NINJ2: variants seen among roughly 807,000 people sequenced by gnomAD.
The protein encoded by NINJ2 is ninjurin-2.
In NINJ2, 12 loss-of-function variants were observed where a neutral mutation model predicts 11.7. That is an observed-to-expected ratio of 1.02 (90% CI 0.66 to 1.66). NINJ2 has a LOEUF of 1.66. Ranked by LOEUF, NINJ2 falls within the 40% of genes most tolerant of loss-of-function variation. The pLI is 0.00. For synonymous variants in NINJ2, 93 were observed against 76.8 expected, an observed-to-expected ratio of 1.21 and a Z score of -1.10; for missense variants, 187 against 181.8, an observed-to-expected ratio of 1.03 and a Z score of -0.16.
intron 1 of NINJ2, among the ~76,000 whole-genome samples, chr12:615,560 C>G (rs1355933870): frequency 6.6e-6 from 1 of 152,184 alleles, no homozygotes; most frequent in Non-Finnish European, 1.5e-5. Flanking sequence ...TGCACTCTAG[C>G]CCCGGGCGAC....
intron 1 of NINJ2, among the ~76,000 whole-genome samples, chr12:601,414 G>A (rs561023307): frequency 2.6e-5 from 4 of 151,180 alleles, no homozygotes; most frequent in East Asian, 1.9e-4. Context: ...CAGGCGTGGT[G>A]GCGGGCGCCT....
chr12:571,605 C>G (rs574640434), intron 1 of NINJ2, among the ~76,000 whole-genome samples: 2 of 152,264 alleles, frequency 1.3e-5, no homozygotes, highest in Non-Finnish European at 2.9e-5. Flanking sequence ...AAGGCTGGTG[C>G]GATTCCATCC....
rs2005843 is a variant in NINJ2, at chr12:585,481, G to A, written c.34-19303C>T. 2.8e-5 allele frequency among the ~76,000 whole-genome samples: 1 copy of A among 35,398 alleles called. No individual in the cohort carries two copies. The allele number at this position is 35,398 out of a possible 152,430, so 23.2% of individuals were successfully genotyped here. A position where few individuals can be genotyped will look rare whatever the true frequency, so the allele number is the denominator to read the frequency against. The stretch of plus-strand genomic sequence containing the variant: ...CAGGCAGGCAACGGTTGGAGGAAGG[G>A]AACGGTTGGAGGGAAGGGAAGGGAA... On this transcript the variant is annotated intron_variant, in intron 1 of 3. Transcript: ENST00000305108. This position sits in a 1 kb window ranked among gnomAD's most constrained non-coding sequence, Gnocchi z 4.1.
intron 1 of NINJ2, among the ~76,000 whole-genome samples, chr12:658,842 A>G (rs1242352358): frequency 6.6e-6 from 1 of 152,030 alleles, no homozygotes; most frequent in Non-Finnish European, 1.5e-5. Context: ...TTGGGTCATA[A>G]TGATGTGTCA....
intron 1 of NINJ2, among the ~76,000 whole-genome samples, chr12:616,424 G>A (rs1948091985): frequency 6.6e-6 from 1 of 151,626 alleles, no homozygotes; most frequent in Admixed American, 6.6e-5. Context: ...TAGGTCCAGG[G>A]GTTTGGTCTT....
Position 591,719 on chromosome 12 carries a change from T to A in NINJ2, c.34-25541A>T, listed in dbSNP as rs915876444. 6.6e-6 allele frequency among the ~76,000 whole-genome samples: 1 copy of A among 152,130 alleles called. No individual in the cohort carries two copies. The highest frequency in any genetic ancestry group is 1.5e-5 in the Non-Finnish European group (1 of 68,020). On this transcript the variant is annotated intron_variant, in intron 1 of 3. Coordinates refer to ENST00000305108, the MANE Select transcript of NINJ2 (RefSeq NM_016533.6). This position sits in a 1 kb window ranked among gnomAD's most constrained non-coding sequence, Gnocchi z 5.0. ...TCTCGCCCCAGGTCCCTTGGGCACG[T>A]CTTATCTTATCGTGCAGCTGGGCTG... is the stretch of plus-strand genomic sequence containing the variant.
In NINJ2 at chr12:614,940, G is replaced by A. The variant is rs1265816571; in HGVS notation, c.33+48388C>T. ...TGTGGTCCCGAGCTCAAAAGATGCA[G>A]GCTTGAGGTCTTAACTGCTTCCATT... On this transcript the variant is annotated intron_variant, in intron 1 of 3. Transcript: ENST00000305108. This position sits in a 1 kb window ranked among gnomAD's most constrained non-coding sequence, Gnocchi z 5.1. Among the ~76,000 whole-genome samples, 2 of 152,192 alleles carry A rather than the reference G, an allele frequency of 1.3e-5. No individual in the cohort carries two copies. The highest frequency in any genetic ancestry group is 4.8e-5 in the African/African-American group (2 of 41,456).
intron 1 of NINJ2, among the ~76,000 whole-genome samples, chr12:625,102 CAAAA>C (rs200290771): frequency 1.1e-5 from 1 of 93,584 alleles, no homozygotes; most frequent in Admixed American, 1.2e-4. Flanking sequence ...GACTTCATCT[CAAAA>C]AAAAAAAAAA....
At chr12:576,282 G>C (rs1252894299) in intron 1 of NINJ2, among the ~76,000 whole-genome samples, 1 of 152,156 alleles carries the variant, frequency 6.6e-6, no homozygotes, top group Admixed American at 6.5e-5. Flanking sequence ...GTCCACCAGG[G>C]GGCGCCAGGA....
At chr12:566,474 T>G (rs1947302789) in intron 1 of NINJ2, among the ~76,000 whole-genome samples, 1 of 152,162 alleles carries the variant, frequency 6.6e-6, no homozygotes. Flanking sequence ...CTGCTGCTGG[T>G]AAAATGCACC....
At chr12:610,894 T>C (rs148796182) in intron 1 of NINJ2, among the ~76,000 whole-genome samples, 1,738 of 152,084 alleles carry the variant, frequency 0.011, 33 homozygotes, top group African/African-American at 0.04. Flanking sequence ...CCACCATACC[T>C]GGCTAATTTT....
At chr12:598,645 C>T (rs1022931717) in intron 1 of NINJ2, among the ~76,000 whole-genome samples, 1 of 152,074 alleles carries the variant, frequency 6.6e-6, no homozygotes, top group African/African-American at 2.4e-5. Flanking sequence ...TATCTTTGGC[C>T]GATAGAATTA....
intron 1 of NINJ2, among the ~76,000 whole-genome samples, chr12:622,816 C>A (rs1404503742): frequency 6.6e-6 from 1 of 151,608 alleles, no homozygotes; most frequent in Non-Finnish European, 1.5e-5. Flanking sequence ...TCATGAATAA[C>A]TTTTCACATA....
At chr12:662,755 C>T (rs1010002455) in intron 1 of NINJ2, among the ~76,000 whole-genome samples, 9 of 152,214 alleles carry the variant, frequency 5.9e-5, no homozygotes, top group Admixed American at 5.2e-4. Flanking sequence ...AAGCCCATCC[C>T]AGCTACAGAG....
intron 1 of NINJ2, among the ~76,000 whole-genome samples, chr12:588,066 C>T (rs1407327700): frequency 6.6e-6 from 1 of 152,000 alleles, no homozygotes; most frequent in African/African-American, 2.4e-5. Context: ...CATCCTTCCA[C>T]TATGTAAACA....
chr12:663,351 C>T lies in NINJ2; in HGVS notation c.10G>A (p.Ala4Thr). 1 of 1,614,192 alleles carries T rather than the reference C, an allele frequency of 6.2e-7. No homozygotes were observed. Among genetic ancestry groups the T allele is most frequent in the Non-Finnish European group, 8.5e-7 (1 of 1,180,024 alleles). The change falls in exon 1 of 4, where the codon GCA (alanine) becomes ACA (threonine). Residue 4 changes from alanine to threonine, a missense_variant. By Grantham distance (58) the Ala-to-Thr change is moderately conservative. Coordinates refer to ENST00000305108, the MANE Select transcript of NINJ2 (RefSeq NM_016533.6). The stretch of plus-strand genomic sequence containing the variant: ...ACTTGAAGGTCGATGTTTTCTCTTG[C>T]TGATTCCATCTCGCTGCCCTCAAGT... Reference protein sequence around the residue: MESARENIDLQPGS... With the variant: MESTRENIDLQPGS...
Position 633,843 on chromosome 12 carries a change from T to C in NINJ2, c.33+29485A>G, listed in dbSNP as rs1565643119. 6.6e-6 allele frequency among the ~76,000 whole-genome samples: 1 copy of C among 152,158 alleles called. No homozygotes were observed. Among genetic ancestry groups the C allele is most frequent in the Non-Finnish European group, 1.5e-5 (1 of 68,020 alleles). On this transcript the variant is annotated intron_variant, in intron 1 of 3. Coordinates refer to ENST00000305108, the MANE Select transcript of NINJ2 (RefSeq NM_016533.6). This position sits in a 1 kb window ranked among gnomAD's most constrained non-coding sequence, Gnocchi z 4.3. ...AACAAACCACTTTAGAGTTTTCCAC[T>C]GTCTGCTAAATCAAGTACACATTCC...
intron 1 of NINJ2, among the ~76,000 whole-genome samples, chr12:629,155 C>T (rs1036693809): frequency 6.6e-6 from 1 of 152,186 alleles, no homozygotes; most frequent in Non-Finnish European, 1.5e-5. Context: ...GGGTCTGGAT[C>T]GGGACCCCTT....
At chr12:571,996 G>C (rs1421954291) in intron 1 of NINJ2, among the ~76,000 whole-genome samples, 1 of 152,224 alleles carries the variant, frequency 6.6e-6, no homozygotes, top group African/African-American at 2.4e-5. Flanking sequence ...CATGGTGAGG[G>C]GAGTTGTAGC....
Sources: gnomAD v4.1 joint callset for allele counts (sites outside exome capture counted in the v4.1 genomes callset) on GRCh38, gnomAD v4.1.1 for gene constraint, Gnocchi (gnomAD v3.1) non-coding constraint, MANE v1.5 for transcripts, NCBI Gene and HGNC (gene_info 2026-07-23, HGNC 2026-07-21) for gene names.